SNX29: variants seen among roughly 807,000 people sequenced by gnomAD.
The protein encoded by SNX29 is sorting nexin-29.
In SNX29, 78 loss-of-function variants were observed where a neutral mutation model predicts 102.1. The observed-to-expected ratio is 0.76, with a 90% CI of 0.64 to 0.92. SNX29 has a LOEUF of 0.92. Among genes scored for constraint, SNX29 ranks in the 40% least tolerant of loss-of-function variants. The pLI, the probability that SNX29 is intolerant of heterozygous loss-of-function variation, is 0.00. For synonymous variants in SNX29, 580 were observed against 414.5 expected (o/e 1.40, Z -4.85); for missense variants, 1,280 against 1,061.7 (o/e 1.21, Z -2.86).
At chr16:12,299,082 T>G (rs568906770) in intron 15 of SNX29, among the ~76,000 whole-genome samples, 1 of 151,948 alleles carries the variant, frequency 6.6e-6, no homozygotes, top group South Asian at 2.1e-4. Flanking sequence ...GGTGAATCAC[T>G]TGAGGTCAGG....
chr16:12,011,189 G>GTTTTT (rs369528003), intron 3 of SNX29, among the ~76,000 whole-genome samples: 1 of 124,050 alleles, frequency 8.1e-6, no homozygotes, highest in African/African-American at 3.0e-5. Flanking sequence ...ATTGCTTGGG[G>GTTTTT]TTTTTTTTTT....
At chr16:12,126,424 A>T (rs928528870) in intron 11 of SNX29, among the ~76,000 whole-genome samples, 11 of 152,250 alleles carry the variant, frequency 7.2e-5, no homozygotes, top group African/African-American at 2.4e-4. Flanking sequence ...GCAGGATTTG[A>T]ACCTGGGACC....
chr16:12,313,476 C>T (rs1047672603), intron 15 of SNX29, among the ~76,000 whole-genome samples: 1 of 152,226 alleles, frequency 6.6e-6, no homozygotes, highest in Middle Eastern at 3.2e-3. Flanking sequence ...AAAGTCCCTG[C>T]CACCATGGCT....
chr16:12,224,479 G>C (rs2077559141), intron 14 of SNX29, among the ~76,000 whole-genome samples: 1 of 152,180 alleles, frequency 6.6e-6, no homozygotes, highest in Non-Finnish European at 1.5e-5. Flanking sequence ...ACACGGTGCT[G>C]AGGACATCCA....
Position 12,032,670 on chromosome 16 carries a change from C to T in SNX29, c.247+5226C>T, listed in dbSNP as rs151047584. ...ATACTTGTTTTTTCCACTTTTAGTT[C>T]TTTTGGGGCATACACCCAGAAGGAC... On this transcript the variant is annotated intron_variant, in intron 4 of 20. Coordinates refer to ENST00000566228, the MANE Select transcript of SNX29 (RefSeq NM_032167.5). Among the ~76,000 whole-genome samples the T allele has an allele frequency of 3.7e-3, 558 of 151,954 alleles. 7 individuals are homozygous for T. The highest frequency in any genetic ancestry group is 0.013 in the African/African-American group (538 of 41,414).
chr16:12,456,706 A>G (rs112608643), intron 18 of SNX29, among the ~76,000 whole-genome samples: 57 of 152,102 alleles, frequency 3.7e-4, no homozygotes, highest in African/African-American at 1.3e-3. Context: ...ATGTGTATGT[A>G]TATGTATCTG....
chr16:12,403,367 T>A, intron 17 of SNX29, 81 bp from the exon 18 acceptor site: 3 of 1,391,228 alleles, frequency 2.2e-6, no homozygotes, highest in Non-Finnish European at 3.0e-6. Flanking sequence ...TAGAAAATTG[T>A]CTCCTTTCCT....
chr16:12,072,055 A>C (rs1343289514), intron 10 of SNX29, among the ~76,000 whole-genome samples: 7 of 152,328 alleles, frequency 4.6e-5, no homozygotes, highest in African/African-American at 1.7e-4. Context: ...TATCAGCTTA[A>C]TGAGATTTTG....
intron 6 of SNX29, among the ~76,000 whole-genome samples, chr16:12,047,210 C>A (rs910858581): frequency 1.3e-4 from 20 of 152,154 alleles, no homozygotes; most frequent in Non-Finnish European, 2.1e-4. Flanking sequence ...CATGACGAGT[C>A]AACATGGAGA....
At chr16:12,322,058 C>T (rs1049967547) in intron 15 of SNX29, among the ~76,000 whole-genome samples, 7 of 152,148 alleles carry the variant, frequency 4.6e-5, no homozygotes, top group East Asian at 1.9e-4. Context: ...CCTGTGTCTG[C>T]GTGACACAGT....
intron 20 of SNX29, among the ~76,000 whole-genome samples, chr16:12,549,150 G>A (rs1206645874): frequency 3.9e-5 from 6 of 151,922 alleles, no homozygotes; most frequent in African/African-American, 1.4e-4. Flanking sequence ...TGATTTAGCA[G>A]TTATCACATT....
chr16:12,517,222 C>T (rs939506188), intron 19 of SNX29, among the ~76,000 whole-genome samples: 5 of 152,192 alleles, frequency 3.3e-5, no homozygotes, highest in Admixed American at 6.5e-5. Flanking sequence ...TGCCTCCAGT[C>T]CTGTGGCTTC....
At chr16:12,305,432 G>T (rs2080308824) in intron 15 of SNX29, among the ~76,000 whole-genome samples, 1 of 152,212 alleles carries the variant, frequency 6.6e-6, no homozygotes, top group South Asian at 2.1e-4. Flanking sequence ...CATTTTAGCT[G>T]CCAGTGACTG....
At chr16:12,437,074 G>C (rs1230945295) in intron 18 of SNX29, among the ~76,000 whole-genome samples, 1 of 152,252 alleles carries the variant, frequency 6.6e-6, no homozygotes, top group Non-Finnish European at 1.5e-5. Context: ...GACAGTTTGT[G>C]TTCCAGCTTA....
At chr16:12,298,043 G>A (rs758961953) in intron 15 of SNX29, among the ~76,000 whole-genome samples, 15 of 152,176 alleles carry the variant, frequency 9.9e-5, no homozygotes, top group Non-Finnish European at 1.3e-4. Context: ...GGTGGTGTGC[G>A]TCTGCGATCC....
At chr16:12,195,717 A>G (rs1006530592) in intron 13 of SNX29, among the ~76,000 whole-genome samples, 2 of 152,214 alleles carry the variant, frequency 1.3e-5, no homozygotes, top group African/African-American at 4.8e-5. Flanking sequence ...ATAATGTAAT[A>G]GGAGACTTTG....
In SNX29 at chr16:12,569,741, C is replaced by A. The variant is rs1426403889; in HGVS notation, c.*1112C>A. 8.7e-6 allele frequency: 2 copies of A among 230,676 alleles called. No individual in the cohort carries two copies. The highest frequency in any genetic ancestry group is 4.4e-5 in the African/African-American group (2 of 45,304). 14.3% of individuals were successfully genotyped at this position (230,676 alleles called of 1,614,324 possible). On this transcript the variant is annotated 3_prime_UTR_variant, in exon 21 of 21. Coordinates refer to ENST00000566228, the MANE Select transcript of SNX29 (RefSeq NM_032167.5). ...CAGCAGCTGGGCAGCCCCCAGGGCTCCTCCTCCAGTGAGCTCACATCAGAG... is the reference window on the plus strand; with the variant it reads ...CAGCAGCTGGGCAGCCCCCAGGGCTACTCCTCCAGTGAGCTCACATCAGAG...
At chr16:12,351,976 T>C (rs1050297617) in intron 15 of SNX29, among the ~76,000 whole-genome samples, 11 of 152,144 alleles carry the variant, frequency 7.2e-5, no homozygotes, top group Non-Finnish European at 1.5e-4. Flanking sequence ...TTGATAGGCA[T>C]TGAGGTGGAT....
intron 14 of SNX29, among the ~76,000 whole-genome samples, chr16:12,276,380 C>T (rs1315427355): frequency 6.6e-6 from 1 of 152,186 alleles, no homozygotes; most frequent in Non-Finnish European, 1.5e-5. Context: ...TTCCTGCTGT[C>T]ACTCAGGGTC....
Sources: gnomAD v4.1 joint callset for allele counts (sites outside exome capture counted in the v4.1 genomes callset) on GRCh38, gnomAD v4.1.1 for gene constraint, MANE v1.5 for transcripts, NCBI Gene and HGNC (gene_info 2026-07-23, HGNC 2026-07-21) for gene names.